Variants in ATP9B observed in about 807,000 individuals in gnomAD.
The protein encoded by ATP9B is ATPase phospholipid transporting 9B.
In ATP9B, 110 loss-of-function variants were observed where a neutral mutation model predicts 146.1. The observed-to-expected ratio is 0.75, with a 90% CI of 0.65 to 0.88. The LOEUF is 0.88. Ranked by LOEUF, ATP9B falls within the 40% of genes least tolerant of loss-of-function variation. The pLI is 0.00. For synonymous variants in ATP9B, 604 were observed against 569.7 expected (o/e 1.06, Z -0.86); for missense variants, 1,499 against 1,496.4 (o/e 1.00, Z -0.03).
intron 15 of ATP9B, among the ~76,000 whole-genome samples, chr18:79,312,193 C>A (rs529180984): frequency 6.6e-6 from 1 of 152,318 alleles, no homozygotes; most frequent in East Asian, 1.9e-4. Context: ...TCCAAATGCT[C>A]TTCCGGCCAC....
At chr18:79,336,385 T>A (rs2096827225) in intron 17 of ATP9B, among the ~76,000 whole-genome samples, 1 of 152,236 alleles carries the variant, frequency 6.6e-6, no homozygotes, top group South Asian at 2.1e-4. Flanking sequence ...CTCCATCCAG[T>A]GTCTTTGCCT....
At chr18:79,178,024 T>G (rs2095201135) in intron 8 of ATP9B, among the ~76,000 whole-genome samples, 1 of 152,158 alleles carries the variant, frequency 6.6e-6, no homozygotes, top group Admixed American at 6.5e-5. Context: ...GATGAGCAGA[T>G]TGGAGAGGTT....
intron 1 of ATP9B, among the ~76,000 whole-genome samples, chr18:79,083,094 A>G (rs2073434713): frequency 6.6e-6 from 1 of 152,184 alleles, no homozygotes; most frequent in Non-Finnish European, 1.5e-5. Context: ...TCTTTCAGAG[A>G]TGCCCTTCCC....
chr18:79,261,388 G>C (rs1456504873), intron 12 of ATP9B, among the ~76,000 whole-genome samples: 1 of 152,138 alleles, frequency 6.6e-6, no homozygotes, highest in African/African-American at 2.4e-5. Flanking sequence ...TCATTGCAGT[G>C]AATGTCCTTG....
chr18:79,337,993 G>T (rs2096837029), intron 19 of ATP9B, among the ~76,000 whole-genome samples: 1 of 152,168 alleles, frequency 6.6e-6, no homozygotes, highest in Non-Finnish European at 1.5e-5. Flanking sequence ...CATTGTGACG[G>T]CACGTGTTCC....
At chr18:79,349,033 A>T (rs8099767) in intron 25 of ATP9B, among the ~76,000 whole-genome samples, 1 of 152,202 alleles carries the variant, frequency 6.6e-6, no homozygotes, top group Admixed American at 6.5e-5. Flanking sequence ...CACCAAAAGC[A>T]CAGCAGGCAT....
intron 1 of ATP9B, chr18:79,085,423 A>G (rs979950979): frequency 9.9e-5 from 15 of 152,236 alleles, no homozygotes; most frequent in African/African-American, 3.4e-4. Flanking sequence ...TCGAGGATGA[A>G]GATGTTACGG....
intron 6 of ATP9B, among the ~76,000 whole-genome samples, chr18:79,147,155 C>A (rs2094604654): frequency 6.6e-6 from 1 of 152,128 alleles, no homozygotes; most frequent in South Asian, 2.1e-4. Context: ...CAGGAAGATA[C>A]AATGATCATA....
At chr18:79,216,767 G>A in intron 11 of ATP9B, among the ~76,000 whole-genome samples, 1 of 151,986 alleles carries the variant, frequency 6.6e-6, no homozygotes, top group East Asian at 1.9e-4. Flanking sequence ...GCTTATTGTT[G>A]GCAGAATATA....
intron 11 of ATP9B, among the ~76,000 whole-genome samples, chr18:79,224,252 G>C (rs758773278): frequency 6.6e-6 from 1 of 152,172 alleles, no homozygotes; most frequent in Non-Finnish European, 1.5e-5. Context: ...TGTTAGAAAT[G>C]TATGGACCTT....
intron 12 of ATP9B, among the ~76,000 whole-genome samples, chr18:79,275,229 CT>C (rs1443921921): frequency 6.6e-6 from 1 of 151,014 alleles, no homozygotes; most frequent in Non-Finnish European, 1.5e-5. Context: ...CTTTTCCCCT[CT>C]TCTGTACAGG....
At chr18:79,376,350 C>T in intron 29 of ATP9B, 1 of 985,332 alleles carries the variant, frequency 1.0e-6, no homozygotes, top group Non-Finnish European at 1.2e-6. Context: ...TGTTGTCCAC[C>T]CATTCAGTGG....
intron 15 of ATP9B, among the ~76,000 whole-genome samples, chr18:79,313,024 T>C (rs1272221062): frequency 6.6e-6 from 1 of 152,224 alleles, no homozygotes; most frequent in Non-Finnish European, 1.5e-5. Flanking sequence ...CCACTCCCTG[T>C]CAGCGCGCTG....
chr18:79,358,887 G>A (rs2096969678), intron 25 of ATP9B, among the ~76,000 whole-genome samples: 1 of 127,742 alleles, frequency 7.8e-6, no homozygotes, highest in Non-Finnish European at 1.6e-5. Flanking sequence ...GTCTGTGTGA[G>A]GGACTCTGTG....
At chr18:79,118,399 T>G (rs78194640) in intron 4 of ATP9B, among the ~76,000 whole-genome samples, 4,177 of 126,076 alleles carry the variant, frequency 0.033, 118 homozygotes, top group Non-Finnish European at 0.049. Flanking sequence ...TGTTTTTTTT[T>G]TTTTTTTTTT....
At chr18:79,161,127 T>C (rs1488821892) in intron 7 of ATP9B, among the ~76,000 whole-genome samples, 1 of 152,220 alleles carries the variant, frequency 6.6e-6, no homozygotes, top group Non-Finnish European at 1.5e-5. Flanking sequence ...TGCATCATTT[T>C]TAAGCCATAG....
chr18:79,141,595 C>CT (rs1463559654), intron 5 of ATP9B, among the ~76,000 whole-genome samples: 1 of 152,170 alleles, frequency 6.6e-6, no homozygotes, highest in African/African-American at 2.4e-5. Context: ...AAGTGCAACT[C>CT]TGAGATTATT....
chr18:79,266,166 C>G (rs919362966), intron 12 of ATP9B, among the ~76,000 whole-genome samples: 14 of 152,010 alleles, frequency 9.2e-5, no homozygotes, highest in Non-Finnish European at 1.8e-4. Context: ...TTTTTTAGGT[C>G]TTCTCTAAAA....
At chr18:79,079,821 G>T (rs774332787) in intron 1 of ATP9B, among the ~76,000 whole-genome samples, 6 of 152,122 alleles carry the variant, frequency 3.9e-5, no homozygotes, top group Non-Finnish European at 8.8e-5. Context: ...GTTAATTTTC[G>T]TATAAGTTGT....
Sources: gnomAD v4.1 joint callset for allele counts (sites outside exome capture counted in the v4.1 genomes callset) on GRCh38, gnomAD v4.1.1 for gene constraint, MANE v1.5 for transcripts, NCBI Gene and HGNC (gene_info 2026-07-23, HGNC 2026-07-21) for gene names.